WDR4: variants seen among roughly 807,000 people sequenced by gnomAD.
The protein encoded by WDR4 is tRNA (guanine-N(7)-)-methyltransferase non-catalytic subunit WDR4.
In WDR4, 47 loss-of-function variants were observed where a neutral mutation model predicts 48.6. That is an observed-to-expected ratio of 0.97 (90% CI 0.77 to 1.23). The LOEUF is 1.23. Ranked by LOEUF, WDR4 falls within the 50% of genes most tolerant of loss-of-function variation. The pLI is 0.00. For missense variants in WDR4, 606 were observed against 551.6 expected, an observed-to-expected ratio of 1.10 and a Z score of -0.99; for synonymous variants, 268 against 230.0, an observed-to-expected ratio of 1.17 and a Z score of -1.49.
At chr21:42,861,453 G>A (rs1184405000) in intron 5 of WDR4, among the ~76,000 whole-genome samples, 1 of 152,056 alleles carries the variant, frequency 6.6e-6, no homozygotes, top group African/African-American at 2.4e-5. Context: ...AGGGTGAGAA[G>A]CGTGTTCCCG....
intron 3 of WDR4, among the ~76,000 whole-genome samples, chr21:42,869,129 G>C (rs2058313129): frequency 6.6e-6 from 1 of 152,156 alleles, no homozygotes; most frequent in African/African-American, 2.4e-5. Context: ...CCCATACTCT[G>C]GCTCTGGGTG....
At chr21:42,869,325 T>C (rs1187621360) in intron 3 of WDR4, among the ~76,000 whole-genome samples, 1 of 152,232 alleles carries the variant, frequency 6.6e-6, no homozygotes, top group Non-Finnish European at 1.5e-5. Flanking sequence ...CCACTCACCA[T>C]AGCTGAACGG....
rs760574519 is a variant in WDR4 at position 42,873,683 on chromosome 21, G to A, written c.164C>T (p.Ala55Val). Reference sequence around the variant, plus strand: ...CGCACCGCTCCCCTGGTCCAAGGGCGCGTCCTCCCTGAGGAAGAGAGGAGG... The same window carrying A: ...CGCACCGCTCCCCTGGTCCAAGGGCACGTCCTCCCTGAGGAAGAGAGGAGG... ...KKSQENKGED[A>V]PLDQGSGAIL... is the part of the protein sequence containing the mutation. Residue 55 changes from alanine to valine, a missense_variant, in exon 3 of 11, where the codon GCG becomes GTG. Physicochemically the swap from Ala to Val is moderately conservative, Grantham distance 64. Transcript: ENST00000398208. The A allele has an allele frequency of 4.3e-6, 7 of 1,613,626 alleles. No homozygotes were observed. Among genetic ancestry groups the A allele is most frequent in the East Asian group, 2.2e-5 (1 of 44,898 alleles).
Position 42,854,590 on chromosome 21 carries a change from C to G in WDR4, c.763G>C (p.Glu255Gln), listed in dbSNP as rs111539710. 7 of 1,613,872 alleles carry G rather than the reference C, an allele frequency of 4.3e-6. No homozygotes were observed. The African/African-American group carries it at 5.3e-5, about 12-fold the overall frequency. Residue 255 changes from glutamate (E) to glutamine (Q), a missense_variant, in exon 8 of 11, where the codon GAG (glutamate) becomes CAG (glutamine). Transcript: ENST00000398208. ...AASRIAFWCQ[E>Q]NCVALLCDGT... is the part of the protein sequence containing the mutation. ...TCGCACAGGAGCGCCACGCAGTTCT[C>G]CTGGCACCAGAATGCAATCCTGGAC...
chr21:42,887,294 ATT>A, the WDR4 span, among the ~76,000 whole-genome samples: 28 of 141,234 alleles, frequency 2.0e-4, no homozygotes, highest in Admixed American at 3.6e-4. Flanking sequence ...GCCTGGCCTA[ATT>A]TTTTTTTTTT....
rs1334384288 is a variant in WDR4 at position 42,863,527 on chromosome 21, CT to C, written c.365del (p.Lys122SerfsTer19). ...CCGAAAAGGAGTAGACGTCTCCAGA[CT>C]TGTCGGCCACCAAGACCTTCTCCTC... ...ASEEKVLVADKSGDVYSFSVL... is the reference protein window; with the variant it reads ...ASEEKVLVADXSGDVYSFSVL... On this transcript the variant is annotated frameshift_variant, in exon 4 of 11. Transcript: ENST00000398208. LOFTEE classifies it high-confidence loss of function. 1 of 1,613,926 alleles carries C rather than the reference CT, an allele frequency of 6.2e-7. No homozygotes were observed. Among genetic ancestry groups the C allele is most frequent in the Non-Finnish European group, 8.5e-7 (1 of 1,180,016 alleles).
intron 10 of WDR4, 131 bp downstream of exon 10, chr21:42,852,124 G>C: frequency 1.1e-6 from 1 of 948,646 alleles, no homozygotes; most frequent in East Asian, 2.6e-5. Context: ...CTTCTGGATG[G>C]GGACACACGC....
In WDR4 at chr21:42,853,593, G is replaced by GT; in HGVS notation, c.950dup (p.Tyr317Ter). 1.2e-6 allele frequency: 2 copies of GT among 1,610,980 alleles called. No individual in the cohort carries two copies. The highest frequency in any genetic ancestry group is 1.7e-6 in the Non-Finnish European group (2 of 1,179,240). Reference sequence around the variant, plus strand: ...CCTGCCACTGGTCGCCCACAGGCCTGTAGAGCACCAGGGGGGCTTCCTGGC... The same window carrying GT: ...CCTGCCACTGGTCGCCCACAGGCCTGTTAGAGCACCAGGGGGGCTTCCTGGC... ...QDCQEAPLVL[Y>*]RPVGDQWQSV... Residue 317 changes from tyrosine to a stop codon, truncating the protein, a stop_gained and frameshift_variant, in exon 9 of 11, where the codon TAC becomes TAAC. Transcript: ENST00000398208. LOFTEE classifies it high-confidence loss of function.
At chr21:42,889,210 T>C in the WDR4 span, among the ~76,000 whole-genome samples, 1 of 150,980 alleles carries the variant, frequency 6.6e-6, no homozygotes, top group East Asian at 1.9e-4. Flanking sequence ...CTCAAACTCC[T>C]GACCTCAGAA....
In WDR4 at chr21:42,853,185, C is replaced by T. The variant is rs148176832; in HGVS notation, c.975+384G>A. The stretch of plus-strand genomic sequence containing the variant: ...TTGCCCCCTCCTCTACCCGGGGCTC[C>T]ACATGCTCCTGAGGACTCAGCCAGT... On this transcript the variant is annotated intron_variant, in intron 9 of 10. Transcript: ENST00000398208. 8.5e-3 allele frequency among the ~76,000 whole-genome samples: 1,299 copies of T among 152,250 alleles called. 5 individuals carry two copies. Among genetic ancestry groups the T allele is most frequent in the Admixed American group, 0.014 (217 of 15,298 alleles).
chr21:42,855,835 G>C, intron 6 of WDR4, 55 bp from the exon 7 acceptor site: 1 of 1,421,112 alleles, frequency 7.0e-7, no homozygotes, highest in East Asian at 2.5e-5. Flanking sequence ...CCGTCAGGTA[G>C]GGTGACAGAG....
At chr21:42,874,495 C>G (rs894487651) in intron 2 of WDR4, among the ~76,000 whole-genome samples, 8 of 152,168 alleles carry the variant, frequency 5.3e-5, no homozygotes, top group African/African-American at 1.9e-4. Context: ...GCTGGTGAGC[C>G]AGGCGGAACA....
At chr21:42,888,460 G>A in the WDR4 span, among the ~76,000 whole-genome samples, 1 of 152,256 alleles carries the variant, frequency 6.6e-6, no homozygotes, top group South Asian at 2.1e-4. Context: ...TTGAGAGGCT[G>A]AAGTAGGAGA....
At chr21:42,860,875 C>T (rs766627548) in intron 5 of WDR4, among the ~76,000 whole-genome samples, 1 of 151,990 alleles carries the variant, frequency 6.6e-6, no homozygotes, top group Non-Finnish European at 1.5e-5. Context: ...ACCACTCAGA[C>T]GCAGCGGGAG....
chr21:42,881,866 G>C (rs2058613071), upstream of WDR4, among the ~76,000 whole-genome samples: 1 of 151,966 alleles, frequency 6.6e-6, no homozygotes, highest in Admixed American at 6.6e-5. Flanking sequence ...GTGCAATGGC[G>C]TGATCTCCGC....
chr21:42,886,473 G>C, the WDR4 span, among the ~76,000 whole-genome samples: 1 of 152,160 alleles, frequency 6.6e-6, no homozygotes, highest in Non-Finnish European at 1.5e-5. Context: ...AAATACAATT[G>C]ACTTTTGTAA....
the WDR4 span, among the ~76,000 whole-genome samples, chr21:42,892,485 TCG>T: frequency 1.2e-5 from 1 of 84,272 alleles, no homozygotes; most frequent in Non-Finnish European, 2.3e-5. Flanking sequence ...CCTCAATGAA[TCG>T]CTAGCTGTGT....
chr21:42,850,814 T>C (rs2057805645), intron 10 of WDR4, among the ~76,000 whole-genome samples: 1 of 152,150 alleles, frequency 6.6e-6, no homozygotes, highest in Non-Finnish European at 1.5e-5. Context: ...CCACAGGGAA[T>C]GGACACGGAT....
At chr21:42,846,975 T>C (rs1429365411), downstream of WDR4, among the ~76,000 whole-genome samples, 2 of 150,106 alleles carry the variant, frequency 1.3e-5, no homozygotes, top group Admixed American at 6.6e-5. Flanking sequence ...GAGGTGGAGG[T>C]TGCAGTGAGC....
Sources: allele counts gnomAD v4.1 joint callset (sites outside exome capture counted in the v4.1 genomes callset), GRCh38; gene constraint gnomAD v4.1.1; transcripts MANE v1.5; gene names NCBI Gene and HGNC (gene_info 2026-07-23, HGNC 2026-07-21).